Variants in CYP39A1 observed in about 807,000 individuals in gnomAD.
The protein encoded by CYP39A1 is cytochrome P450 family 39 subfamily A member 1.
CYP39A1 carries 49 observed loss-of-function variants against 58.1 expected under a neutral mutation model. The observed-to-expected ratio is 0.84, with a 90% confidence interval of 0.67 to 1.07. The LOEUF is 1.07. CYP39A1 is among the 50% of genes least tolerant of loss of function. The probability of loss-of-function intolerance (pLI) is 0.00; values close to 1 mark genes in which losing one functional copy is unlikely to be tolerated. For synonymous variants in CYP39A1, 209 were observed against 187.6 expected (o/e 1.11, Z -0.93); for missense variants, 531 against 539.4 (o/e 0.98, Z 0.16).
At chr6:46,568,603 A>G (rs1771417321) in intron 10 of CYP39A1, among the ~76,000 whole-genome samples, 1 of 152,074 alleles carries the variant, frequency 6.6e-6, no homozygotes, top group Non-Finnish European at 1.5e-5. Context: ...ATTCTTTTGC[A>G]TGTAAATATT....
intron 10 of CYP39A1, among the ~76,000 whole-genome samples, chr6:46,578,622 A>T (rs1582322828): frequency 6.6e-6 from 1 of 152,068 alleles, no homozygotes. Context: ...AACCAATCCC[A>T]CAGAAATAAT....
At chr6:46,652,039 G>A (rs1762725199) in intron 1 of CYP39A1, among the ~76,000 whole-genome samples, 1 of 152,170 alleles carries the variant, frequency 6.6e-6, no homozygotes, top group South Asian at 2.1e-4. Flanking sequence ...CTCCAATTTG[G>A]ATACGAATTA....
At chr6:46,592,095 A>G (rs779453296) in intron 8 of CYP39A1, among the ~76,000 whole-genome samples, 9 of 152,200 alleles carry the variant, frequency 5.9e-5, no homozygotes, top group Non-Finnish European at 1.2e-4. Flanking sequence ...AGTTTTAGAA[A>G]GGTAGCATAA....
intron 10 of CYP39A1, among the ~76,000 whole-genome samples, chr6:46,573,995 C>T (rs1315746759): frequency 6.6e-6 from 1 of 152,192 alleles, no homozygotes; most frequent in African/African-American, 2.4e-5. Flanking sequence ...AGAAAACACA[C>T]ATCAGACTGA....
At position 46,652,615 on chromosome 6, in the gene CYP39A1, G is replaced by A. The variant is rs774535566; in HGVS notation, c.-33C>T. 2.6e-6 allele frequency: 4 copies of A among 1,547,306 alleles called. No homozygotes were observed. The African/African-American group carries it at 5.5e-5, about 21-fold the overall frequency. On this transcript the variant is annotated 5_prime_UTR_variant, in exon 1 of 12. Coordinates refer to ENST00000275016, the MANE Select transcript of CYP39A1 (RefSeq NM_016593.5). ...TCCAGCACCTTCCAGAAGCAGAAAA[G>A]TGTGAAACAGTCCTGCCGTCCCTTG...
chr6:46,606,460 C>A (rs1182124226), intron 7 of CYP39A1, among the ~76,000 whole-genome samples: 1 of 152,116 alleles, frequency 6.6e-6, no homozygotes, highest in African/African-American at 2.4e-5. Context: ...TACTTCAATG[C>A]ACATCTGTGA....
chr6:46,629,433 G>C (rs1284420584), intron 6 of CYP39A1, among the ~76,000 whole-genome samples: 1 of 152,064 alleles, frequency 6.6e-6, no homozygotes, highest in Non-Finnish European at 1.5e-5. Context: ...TATTATTTAA[G>C]GAAAAACCAG....
chr6:46,581,095 C>T (rs806482), intron 10 of CYP39A1, among the ~76,000 whole-genome samples: 59,912 of 152,068 alleles, frequency 0.39, 14,806 homozygotes, highest in African/African-American at 0.7. Flanking sequence ...TAGATGCCCA[C>T]TAACAGTGGA....
chr6:46,636,508 A>C, intron 4 of CYP39A1, 26 bp from the exon 5 acceptor site: 1 of 1,459,302 alleles, frequency 6.9e-7, no homozygotes, highest in South Asian at 1.2e-5. Flanking sequence ...TATATATAGA[A>C]ATTAATTGGA....
intron 6 of CYP39A1, among the ~76,000 whole-genome samples, chr6:46,626,498 A>T (rs1308378874): frequency 6.6e-6 from 1 of 152,214 alleles, no homozygotes; most frequent in Non-Finnish European, 1.5e-5. Context: ...TGGTCAAAAG[A>T]GGAAGAGCAA....
chr6:46,550,181 G>A lies in CYP39A1; in HGVS notation c.*185C>T. On this transcript the variant is annotated 3_prime_UTR_variant, in exon 12 of 12. Coordinates refer to ENST00000275016, the MANE Select transcript of CYP39A1 (RefSeq NM_016593.5). ...TATTCCGGTCTCTATATTACTGAGA[G>A]TGATGTTAGATTCTTGGTCTACTGT... 4.5e-6 allele frequency: 2 copies of A among 444,876 alleles called. No individual in the cohort carries two copies. Among genetic ancestry groups the A allele is most frequent in the Non-Finnish European group, 8.0e-6 (2 of 248,646 alleles). 27.6% of individuals were successfully genotyped at this position (444,876 alleles called of 1,614,324 possible).
At chr6:46,602,563 A>G (rs1404317503) in intron 7 of CYP39A1, among the ~76,000 whole-genome samples, 1 of 151,902 alleles carries the variant, frequency 6.6e-6, no homozygotes, top group African/African-American at 2.4e-5. Flanking sequence ...CTGTATTCCC[A>G]GCACTTTGGG....
At chr6:46,590,111 C>T (rs945370296) in intron 8 of CYP39A1, among the ~76,000 whole-genome samples, 7 of 152,180 alleles carry the variant, frequency 4.6e-5, no homozygotes, top group African/African-American at 1.7e-4. Flanking sequence ...GACATCATCA[C>T]GCCCAGCCTA....
chr6:46,622,312 A>C (rs879883210), intron 7 of CYP39A1, among the ~76,000 whole-genome samples: 1 of 151,996 alleles, frequency 6.6e-6, no homozygotes, highest in African/African-American at 2.4e-5. Flanking sequence ...TGAAAGGATA[A>C]ATTTTATGGT....
chr6:46,639,143 A>G (rs1160185337), intron 3 of CYP39A1, among the ~76,000 whole-genome samples: 1 of 152,208 alleles, frequency 6.6e-6, no homozygotes, highest in Non-Finnish European at 1.5e-5. Context: ...ATGTTTTATC[A>G]AAATTCTACA....
rs1282673166 is a variant in CYP39A1, at chr6:46,583,502, TATA to T, written c.1250+3572_1250+3574del. 44 of 985,302 alleles carry T rather than the reference TATA, an allele frequency of 4.5e-5. 1 individual carries two copies. In the Middle Eastern group the frequency reaches 2.1e-3, roughly 46 times the overall value. The allele number at this position is 985,302 out of a possible 1,614,324, so 61.0% of individuals were successfully genotyped here. A position where few individuals can be genotyped will look rare whatever the true frequency, so the allele number is the denominator to read the frequency against. ...TATAGTTTAATGTGAGACTGTCTGCTATAATGAGACTCTTCACTTTGCAAGCTA... is the reference window on the plus strand; with the variant it reads ...TATAGTTTAATGTGAGACTGTCTGCTATGAGACTCTTCACTTTGCAAGCTA... On this transcript the variant is annotated intron_variant, in intron 10 of 11. Transcript: ENST00000275016.
At chr6:46,614,365 A>C (rs1253096893) in intron 7 of CYP39A1, among the ~76,000 whole-genome samples, 1 of 152,186 alleles carries the variant, frequency 6.6e-6, no homozygotes, top group Non-Finnish European at 1.5e-5. Context: ...CAAAGAGGAG[A>C]GGTGTCATGG....
chr6:46,629,887 T>A (rs927501587), intron 6 of CYP39A1, among the ~76,000 whole-genome samples: 4 of 152,114 alleles, frequency 2.6e-5, no homozygotes, highest in African/African-American at 9.7e-5. Flanking sequence ...GAACATGACG[T>A]GACAGACAAA....
At chr6:46,588,646 G>T (rs1772626489) in intron 8 of CYP39A1, among the ~76,000 whole-genome samples, 1 of 151,700 alleles carries the variant, frequency 6.6e-6, no homozygotes, top group Non-Finnish European at 1.5e-5. Context: ...GGATACTAAT[G>T]ACAGTGTTAG....
Sources: gnomAD v4.1 joint callset for allele counts (sites outside exome capture counted in the v4.1 genomes callset) on GRCh38, gnomAD v4.1.1 for gene constraint, MANE v1.5 for transcripts, NCBI Gene and HGNC (gene_info 2026-07-23, HGNC 2026-07-21) for gene names.